Variants in SLC4A10 observed in about 807,000 individuals in gnomAD.
The protein encoded by SLC4A10 is solute carrier family 4 member 10.
In SLC4A10, 42 loss-of-function variants were observed where a neutral mutation model predicts 137.7. The ratio of observed to expected loss-of-function variants is 0.30; its 90% CI spans 0.24 to 0.39. SLC4A10 has a LOEUF of 0.39. Among genes scored for constraint, SLC4A10 ranks in the 10% least tolerant of loss-of-function variants. The probability of loss-of-function intolerance (pLI) is 1.00; values close to 1 mark genes in which losing one functional copy is unlikely to be tolerated. For synonymous variants in SLC4A10, 474 were observed against 464.1 expected, an observed-to-expected ratio of 1.02 and a Z score of -0.27; for missense variants, 925 against 1,355.0, an observed-to-expected ratio of 0.68 and a Z score of 4.98.
At chr2:161,723,463 G>A (rs2045908051) in intron 1 of SLC4A10, among the ~76,000 whole-genome samples, 2 of 152,254 alleles carry the variant, frequency 1.3e-5, no homozygotes, top group Admixed American at 6.5e-5. Context: ...ACTTTCATTG[G>A]TTTCATTGTA....
In SLC4A10 at chr2:161,964,206, A is replaced by G; in HGVS notation, c.2934A>G (p.Val978=). ...HQPDFIYLRH[V]PLRKVHLFTI... ...CAGATTTTATATACCTAAGGCACGT[A>G]CCGCTTCGAAAAGTGCATCTCTTCA... Residue 978 remains valine (V), a synonymous_variant, in exon 22 of 27, where the codon GTA becomes GTG. Coordinates refer to ENST00000446997, the MANE Select transcript of SLC4A10 (RefSeq NM_001178015.2). 2 of 1,613,496 alleles carry G rather than the reference A, an allele frequency of 1.2e-6. No individual in the cohort carries two copies. The highest frequency in any genetic ancestry group is 1.1e-5 in the South Asian group (1 of 91,036).
At chr2:161,932,894 C>G (rs1415301363) in intron 15 of SLC4A10, among the ~76,000 whole-genome samples, 2 of 151,954 alleles carry the variant, frequency 1.3e-5, no homozygotes, top group African/African-American at 4.8e-5. Context: ...CTCCTTGAGC[C>G]CCTGATAACC....
chr2:161,939,596 C>CT (rs1354166654), intron 15 of SLC4A10, among the ~76,000 whole-genome samples: 2 of 152,070 alleles, frequency 1.3e-5, no homozygotes, highest in Middle Eastern at 3.2e-3. Flanking sequence ...TAATTCTCAC[C>CT]TTTCCTCCCA....
Position 161,873,402 on chromosome 2 carries a change from G to A in SLC4A10, c.859-514G>A, listed in dbSNP as rs1197200272. Among the ~76,000 whole-genome samples, 6 of 151,784 alleles carry A rather than the reference G, an allele frequency of 4.0e-5. No homozygotes were observed. In the East Asian group the frequency reaches 5.8e-4, roughly 15 times the overall value. On this transcript the variant is annotated intron_variant, in intron 7 of 26. Coordinates refer to ENST00000446997, the MANE Select transcript of SLC4A10 (RefSeq NM_001178015.2). ...AGTTTCTAGCCGGGTGTGGTGGCGC[G>A]TGCCTGTGGTTCCAGCCACTTGGGA...
At chr2:161,822,595 G>A (rs1160174112) in intron 3 of SLC4A10, among the ~76,000 whole-genome samples, 1 of 152,094 alleles carries the variant, frequency 6.6e-6, no homozygotes, top group Non-Finnish European at 1.5e-5. Flanking sequence ...AACAATATGG[G>A]TTTGAACTGT....
chr2:161,879,048 T>C, intron 8 of SLC4A10, 83 bp from the exon 9 acceptor site: 1 of 1,204,882 alleles, frequency 8.3e-7, no homozygotes, highest in Non-Finnish European at 1.2e-6. Context: ...CATGGATTAC[T>C]ATATGTGAAG....
chr2:161,821,636 A>G (rs1710511), intron 3 of SLC4A10, among the ~76,000 whole-genome samples: 398 of 152,302 alleles, frequency 2.6e-3, no homozygotes, highest in African/African-American at 8.5e-3. Context: ...AAAAATAACA[A>G]TTTTTAACAG....
chr2:161,878,675 T>G (rs1443747758), intron 8 of SLC4A10, among the ~76,000 whole-genome samples: 1 of 152,134 alleles, frequency 6.6e-6, no homozygotes, highest in African/African-American at 2.4e-5. Context: ...AAGTCATAAT[T>G]TATACTGTAA....
intron 8 of SLC4A10, among the ~76,000 whole-genome samples, chr2:161,875,197 C>G (rs770092569): frequency 1.1e-4 from 17 of 152,118 alleles, no homozygotes; most frequent in Non-Finnish European, 1.9e-4. Flanking sequence ...TGTGATCTAT[C>G]ACTATGGAAA....
At chr2:161,709,668 C>T (rs979129819) in intron 1 of SLC4A10, 2 of 151,438 alleles carry the variant, frequency 1.3e-5, no homozygotes, top group Admixed American at 6.6e-5. Context: ...ATTTGGATTT[C>T]GATGTCCATT....
chr2:161,751,859 A>T (rs1238577592), intron 1 of SLC4A10, among the ~76,000 whole-genome samples: 5 of 151,952 alleles, frequency 3.3e-5, no homozygotes, highest in Non-Finnish European at 7.4e-5. Flanking sequence ...TCTTAATTAA[A>T]TAAATGAAAT....
chr2:161,869,836 T>C (rs1415586754), intron 6 of SLC4A10, among the ~76,000 whole-genome samples: 1 of 151,564 alleles, frequency 6.6e-6, no homozygotes, highest in Non-Finnish European at 1.5e-5. Flanking sequence ...CTCTGAAATA[T>C]AAACGATATA....
intron 5 of SLC4A10, among the ~76,000 whole-genome samples, chr2:161,859,594 C>CTTTTTTTTTTTTTTTTTTTTTT (rs72003642): frequency 1.4e-3 from 67 of 47,276 alleles, no homozygotes; most frequent in South Asian, 1.9e-3. Context: ...CTTTTCTTTT[C>CTTTTTTTTTTTTTTTTTTTTTT]TTTTTTTTTT....
intron 2 of SLC4A10, among the ~76,000 whole-genome samples, chr2:161,802,978 C>T (rs2055533541): frequency 6.6e-6 from 1 of 152,044 alleles, no homozygotes; most frequent in African/African-American, 2.4e-5. Flanking sequence ...GGGACATAAG[C>T]CTTCATCCAC....
chr2:161,806,382 A>G (rs1214856541), intron 3 of SLC4A10, among the ~76,000 whole-genome samples: 1 of 152,018 alleles, frequency 6.6e-6, no homozygotes, highest in Non-Finnish European at 1.5e-5. Flanking sequence ...TTTGGCTTGA[A>G]TTTCTCCTCA....
At chr2:161,925,763 G>A (rs62188854) in intron 15 of SLC4A10, among the ~76,000 whole-genome samples, 12,431 of 151,686 alleles carry the variant, frequency 0.082, 542 homozygotes, top group East Asian at 0.13. Flanking sequence ...CTTTGTTCTC[G>A]TTGGTTTCAA....
chr2:161,961,841 T>G (rs1035287207), intron 21 of SLC4A10, among the ~76,000 whole-genome samples: 1 of 152,144 alleles, frequency 6.6e-6, no homozygotes, highest in Non-Finnish European at 1.5e-5. Context: ...GAGTTAAATA[T>G]AATGAGTTTT....
intron 1 of SLC4A10, among the ~76,000 whole-genome samples, chr2:161,749,817 T>G (rs1309332489): frequency 6.6e-6 from 1 of 151,880 alleles, no homozygotes; most frequent in African/African-American, 2.4e-5. Context: ...TTTCTACTTT[T>G]TGGATGCATT....
intron 1 of SLC4A10, among the ~76,000 whole-genome samples, chr2:161,658,596 CTT>C (rs35686377): frequency 3.4e-4 from 44 of 128,372 alleles, no homozygotes; most frequent in African/African-American, 9.9e-4. Flanking sequence ...AAATAGTTTC[CTT>C]TTTTTTTTTT....
Sources: gnomAD v4.1 joint callset for allele counts (sites outside exome capture counted in the v4.1 genomes callset) on GRCh38, gnomAD v4.1.1 for gene constraint, MANE v1.5 for transcripts, NCBI Gene and HGNC (gene_info 2026-07-23, HGNC 2026-07-21) for gene names.